Variants in HTR7 observed in about 807,000 individuals in gnomAD.
HTR7 encodes 5-HT-7.
In HTR7, 16 loss-of-function variants were observed where a neutral mutation model predicts 34.0. The ratio of observed to expected loss-of-function variants is 0.47; its 90% CI spans 0.32 to 0.71. The LOEUF (loss-of-function observed/expected upper bound fraction) is 0.71, where lower values mean the gene tolerates loss of function less well. Among genes scored for constraint, HTR7 ranks in the 30% least tolerant of loss-of-function variants. HTR7 has a pLI of 0.04. For synonymous variants in HTR7, 265 were observed against 260.2 expected, an observed-to-expected ratio of 1.02 and a Z score of -0.18; for missense variants, 504 against 625.5, an observed-to-expected ratio of 0.81 and a Z score of 2.07.
Position 90,742,199 on chromosome 10 carries a change from A to C in HTR7, c.*283T>G, listed in dbSNP as rs188707805. Reference sequence around the variant, plus strand: ...TGGATTTGGACATATGCAAAGCACCAGAAACTGCTTCCTTTCTGGAACTCA... The same window carrying C: ...TGGATTTGGACATATGCAAAGCACCCGAAACTGCTTCCTTTCTGGAACTCA... On this transcript the variant is annotated 3_prime_UTR_variant, in exon 4 of 4. Transcript: ENST00000336152. 3.8e-6 allele frequency: 1 copy of C among 265,786 alleles called. No homozygotes were observed. The highest frequency in any genetic ancestry group is 7.1e-6 in the Non-Finnish European group (1 of 140,342). The allele number at this position is 265,786 out of a possible 1,614,324, so 16.5% of individuals were successfully genotyped here.
At chr10:90,790,551 C>T (rs748440804) in intron 1 of HTR7, among the ~76,000 whole-genome samples, 7 of 152,156 alleles carry the variant, frequency 4.6e-5, no homozygotes, top group Non-Finnish European at 1.0e-4. Flanking sequence ...ACAAATTAAA[C>T]TAGCTGATGA....
At chr10:90,774,141 G>A (rs548841775) in intron 1 of HTR7, among the ~76,000 whole-genome samples, 1 of 152,044 alleles carries the variant, frequency 6.6e-6, no homozygotes, top group South Asian at 2.1e-4. Context: ...GTTATCTTCA[G>A]GCCCATCTTG....
chr10:90,750,080 T>C (rs1297550844), intron 1 of HTR7, among the ~76,000 whole-genome samples: 1 of 152,244 alleles, frequency 6.6e-6, no homozygotes, highest in African/African-American at 2.4e-5. Flanking sequence ...CCCTTTGCAT[T>C]ACAGCAAAAG....
intron 1 of HTR7, among the ~76,000 whole-genome samples, chr10:90,832,067 A>C (rs529236449): frequency 6.6e-6 from 1 of 152,336 alleles, no homozygotes; most frequent in East Asian, 1.9e-4. Context: ...GCTAGACATA[A>C]AGATTCTCCA....
chr10:90,835,672 C>G (rs995885880), intron 1 of HTR7, among the ~76,000 whole-genome samples: 1 of 152,190 alleles, frequency 6.6e-6, no homozygotes, highest in Non-Finnish European at 1.5e-5. Flanking sequence ...ATAAGATGCC[C>G]TGTCCCAAAG....
At chr10:90,808,179 C>T (rs150903141) in intron 1 of HTR7, among the ~76,000 whole-genome samples, 2 of 152,142 alleles carry the variant, frequency 1.3e-5, no homozygotes, top group Non-Finnish European at 2.9e-5. Context: ...TCACCCTTAG[C>T]GGCAAGTCCC....
At chr10:90,813,037 T>A (rs1281269212) in intron 1 of HTR7, among the ~76,000 whole-genome samples, 2 of 150,648 alleles carry the variant, frequency 1.3e-5, no homozygotes, top group Non-Finnish European at 3.0e-5. Flanking sequence ...CTCAAAAACC[T>A]CCCCCACTGA....
intron 1 of HTR7, among the ~76,000 whole-genome samples, chr10:90,828,929 AAAAG>A (rs964217255): frequency 2.0e-5 from 3 of 152,138 alleles, no homozygotes; most frequent in Non-Finnish European, 2.9e-5. Context: ...AAATTTAAAA[AAAAG>A]AAAGAAAGAA....
rs556323412 is a variant in HTR7 at position 90,761,214 on chromosome 10, A to C, written c.540-11620T>G. Among the ~76,000 whole-genome samples, 329 of 152,298 alleles carry C rather than the reference A, an allele frequency of 2.2e-3. 1 individual carries two copies. The highest frequency in any genetic ancestry group is 0.014 in the Middle Eastern group (4 of 294). On this transcript the variant is annotated intron_variant, in intron 1 of 3. Transcript: ENST00000336152. The stretch of plus-strand genomic sequence containing the variant: ...TGTTATTTATTTTATTTTTCTGCCT[A>C]ACAGTTTAGATGATTTGTTTTCTTC...
chr10:90,857,709 C>T lies in HTR7; in HGVS notation c.-38G>A. ...TGCCGCTGCCCATGGAGCCGGCGCC[C>T]CGGCCACGCGCCTCCGGCTGCCGGC... On this transcript the variant is annotated 5_prime_UTR_variant, in exon 1 of 4. Transcript: ENST00000336152. This position sits in a 1 kb window ranked among gnomAD's most constrained non-coding sequence, Gnocchi z 6.5. The T allele has an allele frequency of 6.9e-7, 1 of 1,450,190 alleles. No individual in the cohort carries two copies. The highest frequency in any genetic ancestry group is 9.0e-7 in the Non-Finnish European group (1 of 1,115,076). The allele number at this position is 1,450,190 out of a possible 1,614,324, so 89.8% of individuals were successfully genotyped here. A position where few individuals can be genotyped will look rare whatever the true frequency, so the allele number is the denominator to read the frequency against.
chr10:90,757,890 G>C lies in HTR7; in HGVS notation c.540-8296C>G, dbSNP rs909110833. 5.3e-5 allele frequency among the ~76,000 whole-genome samples: 8 copies of C among 152,280 alleles called. No homozygotes were observed. The East Asian group carries it at 1.2e-3, about 22-fold the overall frequency. On this transcript the variant is annotated intron_variant, in intron 1 of 3. Coordinates refer to ENST00000336152, the MANE Select transcript of HTR7 (RefSeq NM_019859.4). Reference sequence around the variant, plus strand: ...TTCCTAAAAGTACTTTTCACTGTAAGAGACCTTAATAAATATATGTGATCA... The same window carrying C: ...TTCCTAAAAGTACTTTTCACTGTAACAGACCTTAATAAATATATGTGATCA...
At chr10:90,812,521 T>C (rs1845829147) in intron 1 of HTR7, among the ~76,000 whole-genome samples, 2 of 152,210 alleles carry the variant, frequency 1.3e-5, no homozygotes, top group South Asian at 2.1e-4. Flanking sequence ...CCTTCTCTTA[T>C]TCCATTTAGT....
Position 90,787,305 on chromosome 10 carries a change from T to C in HTR7, c.540-37711A>G, listed in dbSNP as rs547061774. On this transcript the variant is annotated intron_variant, in intron 1 of 3. Coordinates refer to ENST00000336152, the MANE Select transcript of HTR7 (RefSeq NM_019859.4). ...GAGTTCAAGACCATCCTGGGCAATA[T>C]GGTGAAACCCCGTCTCTATTAAAAA... Among the ~76,000 whole-genome samples, 323 of 152,212 alleles carry C rather than the reference T, an allele frequency of 2.1e-3. 1 individual carries two copies. The highest frequency in any genetic ancestry group is 0.01 in the Middle Eastern group (3 of 294).
intron 1 of HTR7, among the ~76,000 whole-genome samples, chr10:90,824,621 T>C (rs1380958275): frequency 2.6e-5 from 4 of 152,212 alleles, no homozygotes; most frequent in African/African-American, 7.2e-5. Flanking sequence ...GGACCTGTCC[T>C]GGGCCAGAGG....
intron 1 of HTR7, among the ~76,000 whole-genome samples, chr10:90,814,576 A>G (rs976991763): frequency 2.0e-5 from 3 of 152,236 alleles, no homozygotes; most frequent in African/African-American, 7.2e-5. Flanking sequence ...TGGTTATTCT[A>G]AAAAATAAGG....
At chr10:90,773,543 C>T (rs1345266323) in intron 1 of HTR7, among the ~76,000 whole-genome samples, 1 of 152,090 alleles carries the variant, frequency 6.6e-6, no homozygotes, top group African/African-American at 2.4e-5. Flanking sequence ...GTTGTACTAT[C>T]GAATAGGATG....
chr10:90,790,097 C>T (rs970127299), intron 1 of HTR7, among the ~76,000 whole-genome samples: 7 of 152,154 alleles, frequency 4.6e-5, no homozygotes, highest in South Asian at 4.1e-4. Flanking sequence ...TGTACCTTCC[C>T]AGTGCTAACA....
At chr10:90,829,109 A>G (rs539701488) in intron 1 of HTR7, among the ~76,000 whole-genome samples, 1 of 152,230 alleles carries the variant, frequency 6.6e-6, no homozygotes, top group Non-Finnish European at 1.5e-5. Flanking sequence ...AAATCAACCA[A>G]TGTGATACAT....
At chr10:90,850,006 G>A (rs2120121102) in intron 1 of HTR7, among the ~76,000 whole-genome samples, 1 of 152,360 alleles carries the variant, frequency 6.6e-6, no homozygotes, top group Non-Finnish European at 1.5e-5. Context: ...AAGGGGCTAA[G>A]GATCCAGGTA....
Sources: allele counts gnomAD v4.1 joint callset (sites outside exome capture counted in the v4.1 genomes callset), GRCh38; gene constraint gnomAD v4.1.1; non-coding constraint Gnocchi (gnomAD v3.1); transcripts MANE v1.5; gene names NCBI Gene and HGNC (gene_info 2026-07-23, HGNC 2026-07-21).